The following BIRC6 variants were observed in gnomAD, a reference collection of about 807,000 sequenced individuals.
BIRC6 encodes the protein baculoviral IAP repeat containing 6, also known as dual E2 ubiquitin-conjugating enzyme/E3 ubiquitin-protein ligase BIRC6.
In BIRC6, 98 loss-of-function variants were observed where a neutral mutation model predicts 503.3. The observed-to-expected ratio is 0.19, with a 90% CI of 0.17 to 0.23. The LOEUF is 0.23. BIRC6 is among the 10% of genes least tolerant of loss of function. The probability of loss-of-function intolerance (pLI) is 1.00; values close to 1 mark genes in which losing one functional copy is unlikely to be tolerated. For synonymous variants in BIRC6, 2,240 were observed against 2,078.7 expected (o/e 1.08, Z -2.11); for missense variants, 5,360 against 5,806.0 (o/e 0.92, Z 2.50).
chr2:32,433,566 A>AGGT, intron 12 of BIRC6, 78 bp from the exon 13 acceptor site: 10 of 1,276,278 alleles, frequency 7.8e-6, no homozygotes, highest in Non-Finnish European at 1.0e-5. Flanking sequence ...AAAGTAGGAA[A>AGGT]GGTGACCTTA....
Position 32,575,238 on chromosome 2 carries a change from G to A in BIRC6, c.13227G>A (p.Val4409=). The A allele has an allele frequency of 8.7e-6, 14 of 1,613,970 alleles. No individual in the cohort carries two copies. Among genetic ancestry groups the A allele is most frequent in the East Asian group, 2.2e-5 (1 of 44,882 alleles). ...LRAIASCAAM[V]PLLLPLSTEN... ...CCATTGCTTCTTGTGCTGCCATGGT[G>A]CCCCTATTGTTGCCCCTTTCTACAG... The change falls in exon 66 of 74, where the codon GTG becomes GTA. Residue 4409 remains valine (V), a synonymous_variant. Coordinates refer to ENST00000421745, the MANE Select transcript of BIRC6 (RefSeq NM_016252.4).
chr2:32,507,875 A>G (rs2053967597), intron 50 of BIRC6, 105 bp from the exon 51 acceptor site: 1 of 1,060,978 alleles, frequency 9.4e-7, no homozygotes, highest in South Asian at 2.0e-5. Context: ...TTACAAGTTC[A>G]TGATGAATAC....
In BIRC6 at chr2:32,568,187, C is replaced by CTTT. The variant is rs752609126; in HGVS notation, c.13145-6956_13145-6954dup. On this transcript the variant is annotated intron_variant, in intron 65 of 73. Transcript: ENST00000421745. ...TATAGCCTTAAAAGGTAAGTTTTAT[C>CTTT]TTTTTTTTTTTTTTTCAGGATAATC... 9.2e-3 allele frequency among the ~76,000 whole-genome samples: 1,277 copies of CTTT among 139,222 alleles called. 10 individuals are homozygous for CTTT. Among genetic ancestry groups the CTTT allele is most frequent in the Middle Eastern group, 0.018 (5 of 276 alleles). 91.3% of individuals were successfully genotyped at this position (139,222 alleles called of 152,430 possible).
intron 72 of BIRC6, 129 bp downstream of exon 72, chr2:32,607,772 G>T: frequency 1.6e-6 from 1 of 625,678 alleles, no homozygotes; most frequent in Non-Finnish European, 2.5e-6. Flanking sequence ...CAGGTCAGGA[G>T]TCTGAGACCA....
chr2:32,463,445 T>C (rs2048208992), intron 24 of BIRC6, 64 bp downstream of exon 24: 1 of 1,425,784 alleles, frequency 7.0e-7, no homozygotes, highest in Non-Finnish European at 9.3e-7. Flanking sequence ...AAAAGTACTT[T>C]AAAAATGACC....
intron 45 of BIRC6, among the ~76,000 whole-genome samples, chr2:32,494,339 T>C (rs1190611885): frequency 6.6e-6 from 1 of 151,940 alleles, no homozygotes; most frequent in Non-Finnish European, 1.5e-5. Flanking sequence ...GCGATTCTCA[T>C]GCCTCAGCCT....
At chr2:32,454,252 ATAGAC>A (rs1426313973) in intron 23 of BIRC6, among the ~76,000 whole-genome samples, 2 of 152,172 alleles carry the variant, frequency 1.3e-5, no homozygotes, top group Non-Finnish European at 2.9e-5. Flanking sequence ...AAGAGTAAAA[ATAGAC>A]TACGTGTTTC....
intron 68 of BIRC6, among the ~76,000 whole-genome samples, chr2:32,596,048 T>A (rs1559127245): frequency 2.0e-5 from 3 of 152,182 alleles, no homozygotes; most frequent in Non-Finnish European, 4.4e-5. Context: ...TTCCTTTGTG[T>A]ATTAAAGTAC....
rs1241990363 is a variant in BIRC6 at position 32,357,496 on chromosome 2, C to A, written c.325+10C>A. ...GCCTCCGCGCTCAGTGGTGAGTCTT[C>A]CGCACGCCGGGCGGGCGCGAAGCCG... is the stretch of plus-strand genomic sequence containing the variant. On this transcript the variant is annotated intron_variant, in intron 1 of 73. Coordinates refer to ENST00000421745, the MANE Select transcript of BIRC6 (RefSeq NM_016252.4). The surrounding 1 kb of genome is among the most constrained non-coding windows in gnomAD (Gnocchi z 4.9). 1.3e-6 allele frequency: 2 copies of A among 1,539,556 alleles called. No homozygotes were observed. The highest frequency in any genetic ancestry group is 1.4e-5 in the African/African-American group (1 of 71,624).
At chr2:32,462,086 C>T (rs938691194) in intron 23 of BIRC6, among the ~76,000 whole-genome samples, 1 of 151,896 alleles carries the variant, frequency 6.6e-6, no homozygotes, top group South Asian at 2.1e-4. Flanking sequence ...ATCATGATGC[C>T]TGGGCCATAA....
intron 23 of BIRC6, among the ~76,000 whole-genome samples, chr2:32,461,476 G>A (rs1288919877): frequency 8.6e-5 from 13 of 151,408 alleles, no homozygotes; most frequent in Admixed American, 7.9e-4. Context: ...AAAGTGTTAG[G>A]ATTACAGGCG....
intron 21 of BIRC6, among the ~76,000 whole-genome samples, chr2:32,446,023 A>C (rs1440544465): frequency 4.6e-5 from 7 of 151,880 alleles, no homozygotes; most frequent in African/African-American, 1.7e-4. Flanking sequence ...GGCCTGGCTA[A>C]TTTTGTATGT....
chr2:32,392,207 A>C, intron 5 of BIRC6, 57 bp downstream of exon 5: 1 of 1,187,418 alleles, frequency 8.4e-7, no homozygotes, highest in Non-Finnish European at 1.2e-6. Flanking sequence ...GCCCTCAGCA[A>C]AATTATCACA....
Position 32,604,991 on chromosome 2 carries a change from T to C in BIRC6, c.14070+1908T>C, listed in dbSNP as rs188445884. On this transcript the variant is annotated intron_variant, in intron 71 of 73. Transcript: ENST00000421745. ...TCTGCGTCTCGGGTTCAAGCTGTGTTTCCACCTTAGCCTCCTGAGTAGCTG... is the reference window on the plus strand; with the variant it reads ...TCTGCGTCTCGGGTTCAAGCTGTGTCTCCACCTTAGCCTCCTGAGTAGCTG... Among the ~76,000 whole-genome samples the C allele has an allele frequency of 1.5e-3, 235 of 152,086 alleles. 1 individual carries two copies. Among genetic ancestry groups the C allele is most frequent in the Non-Finnish European group, 3.5e-4 (24 of 67,990 alleles).
intron 50 of BIRC6, among the ~76,000 whole-genome samples, chr2:32,506,055 C>T (rs1220886747): frequency 2.0e-5 from 3 of 151,944 alleles, no homozygotes; most frequent in Non-Finnish European, 2.9e-5. Flanking sequence ...TGTTATGATG[C>T]CTAGGCTACT....
intron 66 of BIRC6, among the ~76,000 whole-genome samples, chr2:32,577,344 C>T (rs1457286462): frequency 1.3e-5 from 2 of 152,184 alleles, no homozygotes; most frequent in East Asian, 3.9e-4. Flanking sequence ...TAGCTTATAA[C>T]TAAAATTGAA....
In BIRC6 at chr2:32,481,334, T is replaced by C. The variant is rs1243388602; in HGVS notation, c.7423T>C (p.Ser2475Pro). ...THDITGAPPL[S>P]SLEKDKEIDL... ...ATTATTTGAAGGTGCACCTCCTCTG[T>C]CCTCTTTGGAAAAAGATAAAGAAAT... The change falls in exon 38 of 74, where the codon TCC (serine) becomes CCC (proline). Residue 2475 changes from serine (S) to proline (P), a missense_variant. This residue lies in a region of BIRC6 where 2,299 missense variants were observed against 2,267.2 expected (regional missense o/e 1.01). Coordinates refer to ENST00000421745, the MANE Select transcript of BIRC6 (RefSeq NM_016252.4). 1 of 1,608,160 alleles carries C rather than the reference T, an allele frequency of 6.2e-7. No homozygotes were observed. The highest frequency in any genetic ancestry group is 8.5e-7 in the Non-Finnish European group (1 of 1,176,808).
At chr2:32,459,231 C>T (rs1462169496) in intron 23 of BIRC6, among the ~76,000 whole-genome samples, 1 of 152,104 alleles carries the variant, frequency 6.6e-6, no homozygotes, top group Non-Finnish European at 1.5e-5. Flanking sequence ...ACTTGGCAAC[C>T]AGTAGATTGG....
chr2:32,598,905 C>G (rs546012854), intron 69 of BIRC6, among the ~76,000 whole-genome samples: 19 of 151,576 alleles, frequency 1.3e-4, no homozygotes, highest in Non-Finnish European at 2.5e-4. Context: ...CACCTATAAT[C>G]CCAGTACTTG....
Sources: gnomAD v4.1 joint callset for allele counts (sites outside exome capture counted in the v4.1 genomes callset) on GRCh38, gnomAD v4.1.1 for gene constraint, gnomAD v4.1.1 regional missense constraint, Gnocchi (gnomAD v3.1) non-coding constraint, MANE v1.5 for transcripts, NCBI Gene and HGNC (gene_info 2026-07-23, HGNC 2026-07-21) for gene names.